The following TSPAN18 variants were observed in gnomAD, a reference collection of about 807,000 sequenced individuals.
TSPAN18 encodes the protein tetraspanin-18.
A neutral mutation model predicts 27.3 loss-of-function variants in TSPAN18; 14 were observed. The ratio of observed to expected loss-of-function variants is 0.51; its 90% CI spans 0.34 to 0.80. The LOEUF is 0.80. TSPAN18 is among the 30% of genes least tolerant of loss of function. The probability of loss-of-function intolerance (pLI) is 0.01; values close to 1 mark genes in which losing one functional copy is unlikely to be tolerated. For synonymous variants in TSPAN18, 143 were observed against 136.5 expected (o/e 1.05, Z -0.33); for missense variants, 268 against 323.9 (o/e 0.83, Z 1.32).
chr11:44,778,063 G>T (rs964169220), intron 2 of TSPAN18, among the ~76,000 whole-genome samples: 1 of 152,132 alleles, frequency 6.6e-6, no homozygotes, highest in Non-Finnish European at 1.5e-5. Flanking sequence ...TCCAGGTGGG[G>T]GGTGGGGCAG....
intron 1 of TSPAN18, among the ~76,000 whole-genome samples, chr11:44,756,059 G>C (rs541077793): frequency 9.9e-5 from 15 of 152,082 alleles, no homozygotes; most frequent in Non-Finnish European, 2.1e-4. Context: ...TTATCACTGG[G>C]TTGGTCAACT....
chr11:44,801,918 G>A (rs1039488954), intron 2 of TSPAN18, among the ~76,000 whole-genome samples: 1 of 152,122 alleles, frequency 6.6e-6, no homozygotes, highest in Non-Finnish European at 1.5e-5. Context: ...TGTGGTCCCA[G>A]CTACTCGGAA....
intron 2 of TSPAN18, among the ~76,000 whole-genome samples, chr11:44,778,321 T>C (rs1855861789): frequency 6.6e-6 from 1 of 151,918 alleles, no homozygotes; most frequent in Non-Finnish European, 1.5e-5. Flanking sequence ...CCCCTTTCCT[T>C]GGGGCCAAGA....
intron 2 of TSPAN18, among the ~76,000 whole-genome samples, chr11:44,801,997 A>T (rs1856490903): frequency 6.6e-6 from 1 of 152,060 alleles, no homozygotes; most frequent in Non-Finnish European, 1.5e-5. Context: ...AAGTCACTGC[A>T]CTCCAGCCTG....
chr11:44,768,522 C>A (rs58360870), intron 2 of TSPAN18, among the ~76,000 whole-genome samples: 5,871 of 152,048 alleles, frequency 0.039, 120 homozygotes, highest in Middle Eastern at 0.051. Flanking sequence ...AGGTTTTCTA[C>A]ATAAATGATC....
rs774842702 is a variant in TSPAN18, at chr11:44,850,781, C to A, written c.-152-9547C>A. On this transcript the variant is annotated intron_variant, in intron 2 of 9. Coordinates refer to ENST00000520358, the MANE Select transcript of TSPAN18 (RefSeq NM_130783.5). ...TATCCAGGAAGTGGGGTGCAGGAGA[C>A]CCTGACGCTTGTCCCAGTCGGTGCC... 2.0e-5 allele frequency among the ~76,000 whole-genome samples: 3 copies of A among 152,110 alleles called. No individual in the cohort carries two copies. In the South Asian group the frequency reaches 6.2e-4, roughly 31 times the overall value.
rs544391633 is a variant in TSPAN18, at chr11:44,797,668, C to T, written c.-153+33156C>T. 7.2e-5 allele frequency among the ~76,000 whole-genome samples: 11 copies of T among 152,268 alleles called. 1 individual carries two copies. The highest frequency in any genetic ancestry group is 2.6e-4 in the African/African-American group (11 of 41,566). On this transcript the variant is annotated intron_variant, in intron 2 of 9. Coordinates refer to ENST00000520358, the MANE Select transcript of TSPAN18 (RefSeq NM_130783.5). ...TGTGCCACATTCATCATTTTGTTAT[C>T]CTTGTGTCTAGCAAAGGCACTGACG...
chr11:44,829,234 A>G (rs1490699022), intron 2 of TSPAN18, among the ~76,000 whole-genome samples: 2 of 152,136 alleles, frequency 1.3e-5, no homozygotes, highest in Non-Finnish European at 2.9e-5. Flanking sequence ...TTTGCATTGT[A>G]CATTCTATGG....
At chr11:44,787,384 TCCCA>T (rs1856083205) in intron 2 of TSPAN18, among the ~76,000 whole-genome samples, 1 of 152,208 alleles carries the variant, frequency 6.6e-6, no homozygotes, top group African/African-American at 2.4e-5. Context: ...CCTGAACTTA[TCCCA>T]TCCCCACCTG....
At chr11:44,901,207 C>T (rs1186908620) in intron 3 of TSPAN18, 1 of 152,218 alleles carries the variant, frequency 6.6e-6, no homozygotes, top group Non-Finnish European at 1.5e-5. Context: ...ATCTATTTTC[C>T]TACCTGACTC....
At chr11:44,822,528 G>C (rs1590531579) in intron 2 of TSPAN18, among the ~76,000 whole-genome samples, 1 of 151,574 alleles carries the variant, frequency 6.6e-6, no homozygotes, top group East Asian at 2.0e-4. Context: ...AATGATAGTG[G>C]AAGTGACTTG....
chr11:44,902,421 T>G (rs965094360), intron 3 of TSPAN18, among the ~76,000 whole-genome samples: 8 of 152,168 alleles, frequency 5.3e-5, no homozygotes, highest in Non-Finnish European at 1.0e-4. Context: ...ATGTGAGGGA[T>G]GTAGCTGGCA....
At chr11:44,891,186 T>C (rs1052836043) in intron 3 of TSPAN18, among the ~76,000 whole-genome samples, 15 of 152,314 alleles carry the variant, frequency 9.8e-5, no homozygotes, top group African/African-American at 3.6e-4. Flanking sequence ...ATAAAGTTTC[T>C]GATAGCTCTA....
In TSPAN18 at chr11:44,908,831, A is replaced by AAAGAAAGAAAGAAAGAGAG. The variant is rs1590671474; in HGVS notation, c.64-873_64-872insAGAAAGAAAGAAAGAGAGA. ...AGAAAGAAAGAAAGAAAGAAAGAAA[A>AAAGAAAGAAAGAAAGAGAG]AGAAAAATGGAGCAGATATTTATTG... On this transcript the variant is annotated intron_variant, in intron 4 of 9. Coordinates refer to ENST00000520358, the MANE Select transcript of TSPAN18 (RefSeq NM_130783.5). 1.4e-3 allele frequency among the ~76,000 whole-genome samples: 138 copies of AAAGAAAGAAAGAAAGAGAG among 96,234 alleles called. 30 individuals are homozygous for AAAGAAAGAAAGAAAGAGAG. Among genetic ancestry groups the AAAGAAAGAAAGAAAGAGAG allele is most frequent in the African/African-American group, 5.7e-3 (136 of 23,802 alleles). The allele number at this position is 96,234 out of a possible 152,430, so 63.1% of individuals were successfully genotyped here.
chr11:44,775,973 A>G (rs1201453266), intron 2 of TSPAN18, among the ~76,000 whole-genome samples: 2 of 152,170 alleles, frequency 1.3e-5, no homozygotes, highest in Non-Finnish European at 2.9e-5. Flanking sequence ...GTTGTTGCCA[A>G]TCTTTCTAAA....
chr11:44,865,382 G>A (rs1335771181), intron 3 of TSPAN18, among the ~76,000 whole-genome samples: 1 of 152,124 alleles, frequency 6.6e-6, no homozygotes, highest in Non-Finnish European at 1.5e-5. Context: ...CTGGGCACGT[G>A]GTAAATGCTC....
chr11:44,750,296 T>C (rs1379756998), intron 1 of TSPAN18, among the ~76,000 whole-genome samples: 2 of 152,256 alleles, frequency 1.3e-5, no homozygotes, highest in African/African-American at 4.8e-5. Context: ...AGCTGACATT[T>C]CTGAATTATT....
chr11:44,895,935 A>G (rs2064411346), intron 3 of TSPAN18, among the ~76,000 whole-genome samples: 1 of 152,188 alleles, frequency 6.6e-6, no homozygotes, highest in African/African-American at 2.4e-5. Context: ...AGCTGGAAAC[A>G]GCTTGAAATC....
intron 2 of TSPAN18, among the ~76,000 whole-genome samples, chr11:44,790,246 TG>T (rs1281273995): frequency 1.3e-5 from 2 of 151,316 alleles, no homozygotes; most frequent in Non-Finnish European, 2.9e-5. Context: ...TGTGTGTGCC[TG>T]TGCGTGCATA....
Sources: allele counts gnomAD v4.1 joint callset (sites outside exome capture counted in the v4.1 genomes callset), GRCh38; gene constraint gnomAD v4.1.1; transcripts MANE v1.5; gene names NCBI Gene and HGNC (gene_info 2026-07-23, HGNC 2026-07-21).